Variants in NALCN observed in about 807,000 individuals in gnomAD.
NALCN encodes sodium leak channel NALCN.
A neutral mutation model predicts 225.3 loss-of-function variants in NALCN; 111 were observed. That is an observed-to-expected ratio of 0.49 (90% CI 0.42 to 0.58). The LOEUF (loss-of-function observed/expected upper bound fraction) is 0.58, where lower values mean the gene tolerates loss of function less well. Ranked by LOEUF, NALCN falls within the 20% of genes least tolerant of loss-of-function variation. The probability of loss-of-function intolerance (pLI) is 0.00; values close to 1 mark genes in which losing one functional copy is unlikely to be tolerated. For missense variants in NALCN, 1,378 were observed against 2,202.4 expected, an observed-to-expected ratio of 0.63 and a Z score of 7.49; for synonymous variants, 764 against 769.0, an observed-to-expected ratio of 0.99 and a Z score of 0.11.
intron 7 of NALCN, among the ~76,000 whole-genome samples, chr13:101,306,126 A>G (rs868694482): frequency 6.6e-6 from 1 of 152,210 alleles, no homozygotes; most frequent in African/African-American, 2.4e-5. Flanking sequence ...ATTAATTTCC[A>G]TGAATGGTGC....
chr13:101,128,092 TA>T (rs2036327923), intron 17 of NALCN, among the ~76,000 whole-genome samples: 1 of 152,190 alleles, frequency 6.6e-6, no homozygotes, highest in African/African-American at 2.4e-5. Flanking sequence ...ATTCTGGATG[TA>T]AACATATCAG....
At chr13:101,127,656 C>G (rs540922419) in intron 17 of NALCN, among the ~76,000 whole-genome samples, 1 of 152,136 alleles carries the variant, frequency 6.6e-6, no homozygotes, top group East Asian at 1.9e-4. Flanking sequence ...CCACACCTGG[C>G]CTTTGGGATG....
intron 12 of NALCN, among the ~76,000 whole-genome samples, chr13:101,233,786 G>A (rs1206938213): frequency 6.6e-6 from 1 of 152,082 alleles, no homozygotes; most frequent in Non-Finnish European, 1.5e-5. Context: ...CAAGATGCCC[G>A]ACCCACAGGA....
At chr13:101,337,320 A>ATTTATTTATTTT (rs1491585773) in intron 7 of NALCN, among the ~76,000 whole-genome samples, 1 of 135,358 alleles carries the variant, frequency 7.4e-6, no homozygotes, top group African/African-American at 2.6e-5. Flanking sequence ...TTATTTATTT[A>ATTTATTTATTTT]TTTTTTGAGA....
chr13:101,063,747 G>A (rs886937200), intron 40 of NALCN, among the ~76,000 whole-genome samples: 1 of 151,646 alleles, frequency 6.6e-6, no homozygotes, highest in African/African-American at 2.4e-5. Flanking sequence ...TCAGCTTCTG[G>A]CCACAAGCAT....
chr13:101,056,150 C>T (rs1039806199), intron 43 of NALCN, among the ~76,000 whole-genome samples: 1 of 152,040 alleles, frequency 6.6e-6, no homozygotes, highest in Non-Finnish European at 1.5e-5. Context: ...TTTTCTTCTC[C>T]TCTGCCTCCT....
chr13:101,276,312 G>A (rs1299315864), intron 10 of NALCN, among the ~76,000 whole-genome samples: 1 of 152,048 alleles, frequency 6.6e-6, no homozygotes, highest in Non-Finnish European at 1.5e-5. Context: ...ATTAAGCATG[G>A]TATAAATTTC....
rs116102720 is a variant in NALCN at position 101,286,141 on chromosome 13, T to C, written c.1048-2122A>G. Among the ~76,000 whole-genome samples the C allele has an allele frequency of 4.0e-3, 615 of 152,318 alleles. 4 individuals carry two copies. The highest frequency in any genetic ancestry group is 0.014 in the African/African-American group (593 of 41,568). ...ACATTTAGATTGGTTAATATTACAG[T>C]AGATCTTTGAGACAGAAGCTGGGCT... On this transcript the variant is annotated intron_variant, in intron 9 of 43. Transcript: ENST00000251127.
At chr13:101,139,473 G>A (rs1334514022) in intron 17 of NALCN, among the ~76,000 whole-genome samples, 2 of 152,168 alleles carry the variant, frequency 1.3e-5, no homozygotes, top group African/African-American at 2.4e-5. Context: ...TAAGAGAACA[G>A]TTTTATTTTA....
At chr13:101,265,352 A>G (rs2042562458) in intron 10 of NALCN, among the ~76,000 whole-genome samples, 1 of 152,184 alleles carries the variant, frequency 6.6e-6, no homozygotes, top group African/African-American at 2.4e-5. Flanking sequence ...AAAACTCATA[A>G]CAGCAACCAA....
At chr13:101,163,256 T>C (rs2038276141) in intron 15 of NALCN, among the ~76,000 whole-genome samples, 1 of 152,096 alleles carries the variant, frequency 6.6e-6, no homozygotes, top group African/African-American at 2.4e-5. Context: ...CTGTGGAAAC[T>C]AGAATGAAAA....
At chr13:101,111,856 A>C (rs891237496) in intron 18 of NALCN, among the ~76,000 whole-genome samples, 4 of 152,184 alleles carry the variant, frequency 2.6e-5, no homozygotes, top group African/African-American at 9.7e-5. Context: ...TAAATTGCCC[A>C]GTCTCAGGTA....
At chr13:101,071,638 ATCT>A (rs754618491) in intron 37 of NALCN, among the ~76,000 whole-genome samples, 1 of 152,154 alleles carries the variant, frequency 6.6e-6, no homozygotes, top group Admixed American at 6.5e-5. Flanking sequence ...GGCTAGTCTG[ATCT>A]TCTACTGAGA....
chr13:101,216,496 G>T (rs2040736395), intron 13 of NALCN, among the ~76,000 whole-genome samples: 1 of 146,678 alleles, frequency 6.8e-6, no homozygotes, highest in South Asian at 2.2e-4. Flanking sequence ...GGCCACAGAG[G>T]AGTATGTTTT....
At chr13:101,336,433 T>C (rs1301676155) in intron 7 of NALCN, among the ~76,000 whole-genome samples, 1 of 152,180 alleles carries the variant, frequency 6.6e-6, no homozygotes, top group Non-Finnish European at 1.5e-5. Context: ...GTTGGGAATA[T>C]AGGAAATCTG....
chr13:101,264,549 C>T (rs748453494), intron 10 of NALCN, among the ~76,000 whole-genome samples: 1 of 152,100 alleles, frequency 6.6e-6, no homozygotes, highest in Non-Finnish European at 1.5e-5. Flanking sequence ...GGATCTCAGG[C>T]CCCATCCCAG....
In NALCN at chr13:101,403,338, C is replaced by T. The variant is rs116447011; in HGVS notation, c.-39-4173G>A. Among the ~76,000 whole-genome samples the T allele has an allele frequency of 3.6e-3, 553 of 152,312 alleles. 5 individuals are homozygous for T. Among genetic ancestry groups the T allele is most frequent in the African/African-American group, 0.013 (539 of 41,560 alleles). Reference sequence around the variant, plus strand: ...ATTTGTACCTGCACTTCCTTTCACACTCATACCACATGCTGCACTCAGGTT... The same window carrying T: ...ATTTGTACCTGCACTTCCTTTCACATTCATACCACATGCTGCACTCAGGTT... On this transcript the variant is annotated intron_variant, in intron 1 of 43. Transcript: ENST00000251127.
At chr13:101,146,929 G>T (rs2037377131) in intron 15 of NALCN, among the ~76,000 whole-genome samples, 1 of 152,004 alleles carries the variant, frequency 6.6e-6, no homozygotes, top group Non-Finnish European at 1.5e-5. Flanking sequence ...AGCAAAGAGA[G>T]AAATAAGAAA....
chr13:101,258,478 A>G lies in NALCN; in HGVS notation c.1231T>C (p.Phe411Leu), dbSNP rs200016490. 6.2e-7 allele frequency: 1 copy of G among 1,614,030 alleles called. No individual in the cohort carries two copies. The highest frequency in any genetic ancestry group is 8.5e-7 in the Non-Finnish European group (1 of 1,180,032). ...AASNYYKGEN[F>L]RRQYDEFYLA... ...TAGAACTCGTCGTACTGCCTCCTGA[A>G]GTTTTCTCCTTTGTAGTAGTTGCTA... Residue 411 changes from phenylalanine to leucine, a missense_variant, in exon 11 of 44, where the codon TTC becomes CTC. By Grantham distance (22) the Phe-to-Leu change is conservative. Transcript: ENST00000251127.
Sources: gnomAD v4.1 joint callset for allele counts (sites outside exome capture counted in the v4.1 genomes callset) on GRCh38, gnomAD v4.1.1 for gene constraint, MANE v1.5 for transcripts, NCBI Gene and HGNC (gene_info 2026-07-23, HGNC 2026-07-21) for gene names.